HYCC2: variants seen among roughly 807,000 people sequenced by gnomAD.
HYCC2 encodes hyccin 2.
the HYCC2 span, among the ~76,000 whole-genome samples, chr2:200,982,230 GAA>G: frequency 2.5e-5 from 3 of 119,020 alleles, no homozygotes; most frequent in Admixed American, 8.9e-5. Flanking sequence ...CTACCTACTG[GAA>G]AAAAAAAAAA....
the HYCC2 span, chr2:200,976,937 C>T: frequency 6.6e-6 from 1 of 152,180 alleles, no homozygotes; most frequent in African/African-American, 2.4e-5. Flanking sequence ...TGACTGAAAG[C>T]TGGCTGACTC....
the HYCC2 span, among the ~76,000 whole-genome samples, chr2:200,995,252 T>A: frequency 6.6e-6 from 1 of 152,168 alleles, no homozygotes; most frequent in Non-Finnish European, 1.5e-5. Flanking sequence ...CTAATTTAGA[T>A]GGGCAAAATT....
chr2:201,058,441 C>T, the HYCC2 span, among the ~76,000 whole-genome samples: 1 of 152,196 alleles, frequency 6.6e-6, no homozygotes, highest in Non-Finnish European at 1.5e-5. Context: ...CCCAGCACAG[C>T]GGCTCACGCC....
the HYCC2 span, among the ~76,000 whole-genome samples, chr2:201,055,419 C>T: frequency 6.6e-6 from 1 of 150,538 alleles, no homozygotes; most frequent in African/African-American, 2.4e-5. Flanking sequence ...AAATTCTAGG[C>T]TAGGCGTAGG....
the HYCC2 span, chr2:201,009,123 C>T: frequency 7.9e-7 from 1 of 1,264,938 alleles, no homozygotes; most frequent in Non-Finnish European, 1.2e-6. Flanking sequence ...GACAATGTCT[C>T]TACCATGAAG....
At chr2:201,061,158 G>C in the HYCC2 span, 2 of 151,956 alleles carry the variant, frequency 1.3e-5, no homozygotes, top group Non-Finnish European at 1.5e-5. Context: ...AGTTGGCTGG[G>C]TGTGGTGGTG....
At chr2:201,061,424 T>C in the HYCC2 span, 18 of 150,760 alleles carry the variant, frequency 1.2e-4, no homozygotes, top group African/African-American at 3.9e-4. Context: ...CGAAACTCCA[T>C]CTGAAAAAAA....
chr2:201,002,529 CT>C, the HYCC2 span, among the ~76,000 whole-genome samples: 487 of 142,134 alleles, frequency 3.4e-3, no homozygotes, highest in African/African-American at 3.9e-3. Context: ...AGCAGAGATT[CT>C]TTTTTTTTTT....
chr2:200,987,018 C>T, the HYCC2 span, among the ~76,000 whole-genome samples: 2 of 152,164 alleles, frequency 1.3e-5, no homozygotes, highest in Non-Finnish European at 2.9e-5. Context: ...CCACTGGGTG[C>T]ATTTTTCTTT....
the HYCC2 span, chr2:200,975,252 C>T: frequency 2.0e-3 from 298 of 151,994 alleles, no homozygotes; most frequent in African/African-American, 6.5e-3. Context: ...GTTAAAGAGG[C>T]CTCATTCCTT....
the HYCC2 span, among the ~76,000 whole-genome samples, chr2:201,026,111 T>C: frequency 6.6e-6 from 1 of 151,884 alleles, no homozygotes; most frequent in Non-Finnish European, 1.5e-5. Context: ...AATAAAGGGA[T>C]GGAGGAAGAG....
At chr2:201,007,210 T>C in the HYCC2 span, among the ~76,000 whole-genome samples, 1 of 152,306 alleles carries the variant, frequency 6.6e-6, no homozygotes, top group African/African-American at 2.4e-5. Flanking sequence ...TCTCGACCTA[T>C]GATGGAATTG....
chr2:201,015,586 A>G, the HYCC2 span, among the ~76,000 whole-genome samples: 3 of 152,276 alleles, frequency 2.0e-5, no homozygotes, highest in African/African-American at 7.2e-5. Flanking sequence ...TTATAATTCA[A>G]AAGTCTCTCT....
chr2:201,006,107 C>A, the HYCC2 span, among the ~76,000 whole-genome samples: 2 of 149,858 alleles, frequency 1.3e-5, no homozygotes, highest in Non-Finnish European at 3.0e-5. Context: ...GCTGAGATTA[C>A]AGGCGTGAGC....
chr2:200,997,623 A>G, the HYCC2 span: 1 of 816,026 alleles, frequency 1.2e-6, no homozygotes, highest in Non-Finnish European at 2.1e-6. Flanking sequence ...CTTAATATTG[A>G]CCTTTATGAT....
At chr2:201,047,465 T>TATATATATAC in the HYCC2 span, among the ~76,000 whole-genome samples, 860 of 148,840 alleles carry the variant, frequency 5.8e-3, 12 homozygotes, top group African/African-American at 0.021. Flanking sequence ...TATATATATA[T>TATATATATAC]ACACACACAC....
the HYCC2 span, among the ~76,000 whole-genome samples, chr2:201,003,472 A>G: frequency 1.3e-5 from 2 of 152,142 alleles, no homozygotes; most frequent in Admixed American, 1.3e-4. Flanking sequence ...GCACTTTGGG[A>G]GGCTGAGGTG....
chr2:200,980,607 G>A, the HYCC2 span: 1 of 152,956 alleles, frequency 6.5e-6, no homozygotes, highest in African/African-American at 2.4e-5. Flanking sequence ...GCCCTCCAAT[G>A]GAGGTGGTCA....
chr2:201,022,226 T>C, the HYCC2 span: 2 of 509,848 alleles, frequency 3.9e-6, no homozygotes, highest in South Asian at 3.3e-5. Flanking sequence ...AATGGAAAGA[T>C]AATGTGTGTA....
Sources: gnomAD v4.1 joint callset for allele counts (sites outside exome capture counted in the v4.1 genomes callset) on GRCh38, gnomAD v4.1.1 for gene constraint, MANE v1.5 for transcripts, NCBI Gene and HGNC (gene_info 2026-07-23, HGNC 2026-07-21) for gene names.